The following LAMA2 variants were observed in gnomAD, a reference collection of about 807,000 sequenced individuals.
LAMA2 encodes laminin subunit alpha 2.
LAMA2 carries 269 observed loss-of-function variants against 364.8 expected under a neutral mutation model. The ratio of observed to expected loss-of-function variants is 0.74; its 90% CI spans 0.67 to 0.82. LAMA2 has a LOEUF of 0.82. Among genes scored for constraint, LAMA2 ranks in the 40% least tolerant of loss-of-function variants. The pLI is 0.00. For missense variants in LAMA2, 3,807 were observed against 3,873.2 expected, an observed-to-expected ratio of 0.98 and a Z score of 0.45; for synonymous variants, 1,379 against 1,370.6, an observed-to-expected ratio of 1.01 and a Z score of -0.14.
chr6:129,274,307 A>G (rs1788146808), intron 17 of LAMA2, among the ~76,000 whole-genome samples: 1 of 151,946 alleles, frequency 6.6e-6, no homozygotes, highest in East Asian at 1.9e-4. Flanking sequence ...TTTTAAAAAT[A>G]TTTTATAAAA....
At chr6:129,212,950 C>T (rs945003578) in intron 12 of LAMA2, among the ~76,000 whole-genome samples, 1 of 152,298 alleles carries the variant, frequency 6.6e-6, no homozygotes, top group South Asian at 2.1e-4. Flanking sequence ...CTTTCTGTTG[C>T]TGTGCATACC....
intron 1 of LAMA2, among the ~76,000 whole-genome samples, chr6:129,011,022 C>G (rs1339678270): frequency 2.6e-5 from 4 of 152,032 alleles, no homozygotes; most frequent in Non-Finnish European, 5.9e-5. Flanking sequence ...TCTGTCACCC[C>G]CTGGCTGGAG....
At chr6:129,347,887 C>T (rs1383806127) in intron 30 of LAMA2, among the ~76,000 whole-genome samples, 11 of 152,138 alleles carry the variant, frequency 7.2e-5, no homozygotes, top group Non-Finnish European at 1.6e-4. Flanking sequence ...TACTACATTC[C>T]TATACAGTAA....
chr6:128,994,108 T>A (rs1297739156), intron 1 of LAMA2, among the ~76,000 whole-genome samples: 1 of 152,132 alleles, frequency 6.6e-6, no homozygotes, highest in Non-Finnish European at 1.5e-5. Flanking sequence ...CTGCTGAAAA[T>A]TGATGGTCTA....
At chr6:128,917,730 CTTTCTTTT>C (rs1778426638) in intron 1 of LAMA2, among the ~76,000 whole-genome samples, 2 of 106,728 alleles carry the variant, frequency 1.9e-5, no homozygotes. Context: ...TTCTTTCTTT[CTTTCTTTT>C]TTTTTTTTTT....
intron 20 of LAMA2, among the ~76,000 whole-genome samples, chr6:129,295,955 A>C (rs1773154848): frequency 6.6e-6 from 1 of 151,680 alleles, no homozygotes; most frequent in Non-Finnish European, 1.5e-5. Flanking sequence ...TTGTCTATGT[A>C]TTTCTGTTTC....
chr6:129,190,119 C>A, intron 10 of LAMA2, 86 bp from the exon 11 acceptor site: 1 of 1,281,338 alleles, frequency 7.8e-7, no homozygotes, highest in Non-Finnish European at 1.1e-6. Flanking sequence ...GAAGAATGTA[C>A]AGTTAATATT....
intron 12 of LAMA2, among the ~76,000 whole-genome samples, chr6:129,239,151 A>G (rs1450849603): frequency 6.6e-6 from 1 of 152,188 alleles, no homozygotes; most frequent in African/African-American, 2.4e-5. Context: ...CATCACAACA[A>G]CGCTATGAGG....
At chr6:129,456,971 T>G (rs1782999110) in intron 48 of LAMA2, among the ~76,000 whole-genome samples, 1 of 152,212 alleles carries the variant, frequency 6.6e-6, no homozygotes, top group Non-Finnish European at 1.5e-5. Flanking sequence ...TATAGGATGA[T>G]GCACTTAATA....
chr6:129,213,129 T>C (rs1583264446), intron 12 of LAMA2, among the ~76,000 whole-genome samples: 1 of 152,346 alleles, frequency 6.6e-6, no homozygotes, highest in South Asian at 2.1e-4. Context: ...TCATACAATG[T>C]GTTGTCTTTT....
chr6:129,074,969 GT>G (rs907412343), intron 3 of LAMA2, among the ~76,000 whole-genome samples: 2 of 152,098 alleles, frequency 1.3e-5, no homozygotes, highest in African/African-American at 4.8e-5. Flanking sequence ...AGCAACTACT[GT>G]TTTTTAAGCA....
intron 1 of LAMA2, among the ~76,000 whole-genome samples, chr6:128,951,398 C>T (rs1359315660): frequency 2.6e-5 from 4 of 152,278 alleles, no homozygotes; most frequent in East Asian, 1.9e-4. Flanking sequence ...TATGACACTA[C>T]TTCCAAATAA....
At position 128,917,735 on chromosome 6, in the gene LAMA2, T is replaced by TTTCC. The variant is rs540887093; in HGVS notation, c.112+34380_112+34381insCCTT. On this transcript the variant is annotated intron_variant, in intron 1 of 64. Transcript: ENST00000421865. ...CTTTCTTTCTTTCTTTCTTTCTTTCTTTTTTTTTTTTTTTTTGAGACAGGC... is the reference window on the plus strand; with the variant it reads ...CTTTCTTTCTTTCTTTCTTTCTTTCTTTCCTTTTTTTTTTTTTTTTGAGACAGGC... Among the ~76,000 whole-genome samples the TTTCC allele has an allele frequency of 3.5e-5, 4 of 114,202 alleles. No homozygotes were observed. In the East Asian group the frequency reaches 9.1e-4, roughly 26 times the overall value. The allele number at this position is 114,202 out of a possible 152,430, so 74.9% of individuals were successfully genotyped here.
chr6:129,039,954 G>A (rs568361702), intron 1 of LAMA2, among the ~76,000 whole-genome samples: 2 of 152,310 alleles, frequency 1.3e-5, no homozygotes, highest in South Asian at 4.1e-4. Context: ...GGGTTAGGAT[G>A]CTACTGTAAT....
At chr6:129,017,434 A>C (rs2114707343) in intron 1 of LAMA2, among the ~76,000 whole-genome samples, 1 of 152,094 alleles carries the variant, frequency 6.6e-6, no homozygotes, top group Non-Finnish European at 1.5e-5. Context: ...AAAAATATAG[A>C]TTATTTACTT....
chr6:129,158,002 C>T lies in LAMA2; in HGVS notation c.1206+3319C>T, dbSNP rs983239312. On this transcript the variant is annotated intron_variant, in intron 8 of 64. Coordinates refer to ENST00000421865, the MANE Select transcript of LAMA2 (RefSeq NM_000426.4). ...CCCAGGTCAGCAATGCAGCAACTCCCATTTTTCTTGATGAGGATGTTTTTG... is the reference window on the plus strand; with the variant it reads ...CCCAGGTCAGCAATGCAGCAACTCCTATTTTTCTTGATGAGGATGTTTTTG... The T allele has an allele frequency of 2.5e-6, 4 of 1,613,556 alleles. No homozygotes were observed. In the African/African-American group the frequency reaches 5.3e-5, roughly 22 times the overall value.
chr6:129,426,882 T>G (rs1186709025), intron 40 of LAMA2, among the ~76,000 whole-genome samples: 1 of 152,216 alleles, frequency 6.6e-6, no homozygotes, highest in Non-Finnish European at 1.5e-5. Flanking sequence ...TGTGATAATC[T>G]GAGTTCAGAT....
chr6:128,981,595 A>T (rs1036734182), intron 1 of LAMA2, among the ~76,000 whole-genome samples: 1 of 141,038 alleles, frequency 7.1e-6, no homozygotes, highest in Non-Finnish European at 1.6e-5. Context: ...AAAAAAAAAA[A>T]AAAAAAATTG....
chr6:129,290,055 G>A (rs996190762), intron 19 of LAMA2, among the ~76,000 whole-genome samples: 2 of 152,066 alleles, frequency 1.3e-5, no homozygotes, highest in Admixed American at 1.3e-4. Context: ...TTTTAAATTT[G>A]TGTATATCGT....
Sources: allele counts gnomAD v4.1 joint callset (sites outside exome capture counted in the v4.1 genomes callset), GRCh38; gene constraint gnomAD v4.1.1; transcripts MANE v1.5; gene names NCBI Gene and HGNC (gene_info 2026-07-23, HGNC 2026-07-21).